Variants in EYA3 observed in about 807,000 individuals in gnomAD.
EYA3 encodes the protein EYA transcriptional coactivator and phosphatase 3.
In EYA3, 39 loss-of-function variants were observed where a neutral mutation model predicts 80.0. That is an observed-to-expected ratio of 0.49 (90% CI 0.38 to 0.64). The LOEUF (loss-of-function observed/expected upper bound fraction) is 0.64, where lower values mean the gene tolerates loss of function less well. Among genes scored for constraint, EYA3 ranks in the 30% least tolerant of loss-of-function variants. The pLI is 0.00. For synonymous variants in EYA3, 206 were observed against 232.8 expected, an observed-to-expected ratio of 0.88 and a Z score of 1.05; for missense variants, 523 against 676.1, an observed-to-expected ratio of 0.77 and a Z score of 2.51.
chr1:28,063,352 C>CA (rs1644711083), intron 1 of EYA3, among the ~76,000 whole-genome samples: 1 of 93,550 alleles, frequency 1.1e-5, no homozygotes, highest in Non-Finnish European at 2.0e-5. Flanking sequence ...TAACTAAAAC[C>CA]TTTTTTTTTT....
chr1:28,011,387 T>TA (rs1641687208), intron 9 of EYA3, among the ~76,000 whole-genome samples: 1 of 152,216 alleles, frequency 6.6e-6, no homozygotes, highest in Admixed American at 6.5e-5. Flanking sequence ...ACTTGTAGAT[T>TA]AGAGTTTCTC....
At chr1:28,081,783 G>A (rs553419231) in intron 1 of EYA3, among the ~76,000 whole-genome samples, 1 of 152,298 alleles carries the variant, frequency 6.6e-6, no homozygotes, top group Non-Finnish European at 1.5e-5. Flanking sequence ...TCATTCTAAT[G>A]TATTCCCGTA....
chr1:28,049,008 T>C (rs1434297893), intron 2 of EYA3, among the ~76,000 whole-genome samples: 1 of 152,248 alleles, frequency 6.6e-6, no homozygotes, highest in African/African-American at 2.4e-5. Flanking sequence ...TTAATACTAA[T>C]GGATTTTTCT....
chr1:27,989,657 G>A, intron 15 of EYA3, 40 bp downstream of exon 15: 1 of 1,326,468 alleles, frequency 7.5e-7, no homozygotes, highest in Non-Finnish European at 1.1e-6. Context: ...AGAAGAATAT[G>A]TCGCTGAGAG....
intron 6 of EYA3, among the ~76,000 whole-genome samples, chr1:28,028,624 C>T (rs1320670832): frequency 6.6e-6 from 1 of 151,174 alleles, no homozygotes; most frequent in Non-Finnish European, 1.5e-5. Context: ...GCTTTGTTGC[C>T]CAGGCTGGTC....
intron 2 of EYA3, among the ~76,000 whole-genome samples, chr1:28,056,059 TTG>T (rs1644427619): frequency 6.6e-6 from 1 of 152,150 alleles, no homozygotes; most frequent in African/African-American, 2.4e-5. Context: ...TTAATAAGTA[TTG>T]TGTTTTCATA....
intron 14 of EYA3, among the ~76,000 whole-genome samples, chr1:27,992,373 T>C (rs1025812377): frequency 2.0e-5 from 3 of 152,118 alleles, no homozygotes; most frequent in Admixed American, 6.6e-5. Context: ...GCATGTGCAG[T>C]TCACAATAGG....
rs1264302166 is a variant in EYA3 at position 27,978,377 on chromosome 1, T to TAAAGAAA, written c.1637_1638insTTTCTTT (p.Lys546AsnfsTer28). 1 of 1,613,152 alleles carries TAAAGAAA rather than the reference T, an allele frequency of 6.2e-7. No individual in the cohort carries two copies. The highest frequency in any genetic ancestry group is 2.2e-5 in the East Asian group (1 of 44,876). On this transcript the variant is annotated frameshift_variant, in exon 17 of 18. Coordinates refer to ENST00000373871, the MANE Select transcript of EYA3 (RefSeq NM_001990.4). LOFTEE classifies it high-confidence loss of function. ...TATTTTTCTTTACCATGGTTACCTG[T>TAAAGAAA]TTGGCTGCAATTTCTTCATCTCGTC... is the stretch of plus-strand genomic sequence containing the variant.
intron 2 of EYA3, among the ~76,000 whole-genome samples, chr1:28,055,748 G>A (rs775875428): frequency 1.3e-5 from 2 of 152,180 alleles, no homozygotes; most frequent in Non-Finnish European, 2.9e-5. Flanking sequence ...TGGGATTACA[G>A]GCATGAGCCA....
At chr1:28,082,572 C>T (rs1645466238) in intron 1 of EYA3, among the ~76,000 whole-genome samples, 2 of 152,092 alleles carry the variant, frequency 1.3e-5, no homozygotes, top group South Asian at 4.1e-4. Context: ...GTACTCTAAA[C>T]ATGATAGTCC....
chr1:28,036,306 T>C (rs1156874977), intron 5 of EYA3, among the ~76,000 whole-genome samples: 1 of 152,226 alleles, frequency 6.6e-6, no homozygotes, highest in Non-Finnish European at 1.5e-5. Flanking sequence ...ATTAAACTTA[T>C]TCATGCTCTT....
At chr1:28,011,271 A>G (rs2148789695) in intron 9 of EYA3, among the ~76,000 whole-genome samples, 185 bp from the exon 10 acceptor site, 1 of 152,344 alleles carries the variant, frequency 6.6e-6, no homozygotes, top group East Asian at 1.9e-4. Context: ...ACTGGCTAAC[A>G]TCAGAAAAGT....
At chr1:28,045,696 C>T (rs914413740) in intron 3 of EYA3, among the ~76,000 whole-genome samples, 3 of 152,022 alleles carry the variant, frequency 2.0e-5, no homozygotes, top group African/African-American at 7.2e-5. Context: ...TGACATACTG[C>T]CTCAAAATAT....
rs147178837 is a variant in EYA3 at position 28,004,254 on chromosome 1, G to T, written c.993+82C>A. 1.3e-5 allele frequency: 13 copies of T among 976,584 alleles called. No homozygotes were observed. The East Asian group carries it at 3.0e-4, about 23-fold the overall frequency. The allele number at this position is 976,584 out of a possible 1,614,324, so 60.5% of individuals were successfully genotyped here. Reference sequence around the variant, plus strand: ...AAAGCCAGCCAACAGGGGTAGCAGAGAAATAATTTGTTATGTGTCAGAAGA... The same window carrying T: ...AAAGCCAGCCAACAGGGGTAGCAGATAAATAATTTGTTATGTGTCAGAAGA... On this transcript the variant is annotated intron_variant, in intron 11 of 17. Transcript: ENST00000373871.
intron 1 of EYA3, among the ~76,000 whole-genome samples, chr1:28,067,542 G>GA (rs1039163668): frequency 6.6e-6 from 1 of 151,920 alleles, no homozygotes; most frequent in Non-Finnish European, 1.5e-5. Context: ...TTTTCCATTA[G>GA]AAAAAAAATT....
intron 2 of EYA3, among the ~76,000 whole-genome samples, chr1:28,052,509 A>G (rs1320789484): frequency 6.6e-6 from 1 of 152,224 alleles, no homozygotes. Context: ...GATTCAACGA[A>G]GGAAGAATAG....
chr1:28,086,715 G>C (rs1193782471), intron 1 of EYA3, among the ~76,000 whole-genome samples: 1 of 152,212 alleles, frequency 6.6e-6, no homozygotes, highest in Non-Finnish European at 1.5e-5. Context: ...GCTGGAGTAA[G>C]CCATACACAT....
chr1:28,016,739 A>G lies in EYA3; in HGVS notation c.585+415T>C, dbSNP rs151071451. Among the ~76,000 whole-genome samples, 699 of 152,298 alleles carry G rather than the reference A, an allele frequency of 4.6e-3. 5 individuals are homozygous for G. Among genetic ancestry groups the G allele is most frequent in the African/African-American group, 0.016 (669 of 41,552 alleles). On this transcript the variant is annotated intron_variant, in intron 8 of 17. Coordinates refer to ENST00000373871, the MANE Select transcript of EYA3 (RefSeq NM_001990.4). ...ACATAACAGTGATCAAGAATAGACC[A>G]CAAAAAATTCATAAAGAATGAGTTG... is the stretch of plus-strand genomic sequence containing the variant.
At chr1:28,018,149 T>G (rs1389600924) in intron 7 of EYA3, among the ~76,000 whole-genome samples, 1 of 150,818 alleles carries the variant, frequency 6.6e-6, no homozygotes, top group Non-Finnish European at 1.5e-5. Context: ...TGAGCCAAAA[T>G]CGCATGACTG....
Sources: allele counts gnomAD v4.1 joint callset (sites outside exome capture counted in the v4.1 genomes callset), GRCh38; gene constraint gnomAD v4.1.1; transcripts MANE v1.5; gene names NCBI Gene and HGNC (gene_info 2026-07-23, HGNC 2026-07-21).